PTPN4: variants seen among roughly 807,000 people sequenced by gnomAD.
PTPN4 encodes the protein protein tyrosine phosphatase non-receptor type 4, also known as tyrosine-protein phosphatase non-receptor type 4.
PTPN4 carries 49 observed loss-of-function variants against 135.5 expected under a neutral mutation model. The observed-to-expected ratio is 0.36, with a 90% CI of 0.29 to 0.46. The LOEUF (loss-of-function observed/expected upper bound fraction) is 0.46. Ranked by LOEUF, PTPN4 falls within the 20% of genes least tolerant of loss-of-function variation. The probability of loss-of-function intolerance (pLI) is 1.00; values close to 1 mark genes in which losing one functional copy is unlikely to be tolerated. For synonymous variants in PTPN4, 333 were observed against 369.9 expected, an observed-to-expected ratio of 0.90 and a Z score of 1.14; for missense variants, 860 against 1,101.0, an observed-to-expected ratio of 0.78 and a Z score of 3.10.
chr2:119,906,734 C>CTT lies in PTPN4; in HGVS notation c.764+5931_764+5932dup, dbSNP rs1176693720. 2.6e-5 allele frequency among the ~76,000 whole-genome samples: 4 copies of CTT among 152,210 alleles called. No homozygotes were observed. In the East Asian group the frequency reaches 7.7e-4, roughly 29 times the overall value. On this transcript the variant is annotated intron_variant, in intron 10 of 26. Coordinates refer to ENST00000263708, the MANE Select transcript of PTPN4 (RefSeq NM_002830.4). ...ATACAGAACAGGTCAAAGCTGAAAG[C>CTT]TTTTCTTCTAAGAACTAAAAGAAGA...
intron 3 of PTPN4, 64 bp downstream of exon 3, chr2:119,862,707 C>A: frequency 7.4e-7 from 1 of 1,351,198 alleles, no homozygotes; most frequent in Non-Finnish European, 1.0e-6. Context: ...TGTAGAAAGT[C>A]CTTTCTGATT....
chr2:119,845,122 A>G (rs949795530), intron 2 of PTPN4, among the ~76,000 whole-genome samples: 10 of 148,610 alleles, frequency 6.7e-5, no homozygotes, highest in Admixed American at 1.3e-4. Flanking sequence ...CGAGCCTGCA[A>G]TCACAGGCAC....
intron 1 of PTPN4, among the ~76,000 whole-genome samples, chr2:119,784,016 A>G (rs925319645): frequency 7.2e-6 from 1 of 138,456 alleles, no homozygotes; most frequent in Non-Finnish European, 1.6e-5. Context: ...GGGACTGTTG[A>G]GCAGAGCACT....
intron 23 of PTPN4, among the ~76,000 whole-genome samples, chr2:119,961,256 A>T (rs189996515): frequency 6.6e-6 from 1 of 152,140 alleles, no homozygotes; most frequent in Admixed American, 6.6e-5. Context: ...CAATTTAAAA[A>T]TGGGCAATGG....
intron 2 of PTPN4, among the ~76,000 whole-genome samples, chr2:119,813,782 A>G (rs888444084): frequency 1.3e-5 from 2 of 152,172 alleles, no homozygotes; most frequent in Non-Finnish European, 2.9e-5. Flanking sequence ...CAGTCTGCCA[A>G]TATGGCATCC....
chr2:119,843,431 TC>T, intron 2 of PTPN4, among the ~76,000 whole-genome samples: 1 of 139,546 alleles, frequency 7.2e-6, no homozygotes, highest in African/African-American at 2.7e-5. Context: ...CTCAATCTTT[TC>T]CCCACCTTTC....
intron 26 of PTPN4, 115 bp from the exon 27 acceptor site, chr2:119,976,869 T>C: frequency 8.8e-6 from 13 of 1,479,252 alleles, no homozygotes; most frequent in Non-Finnish European, 1.2e-5. Flanking sequence ...TATGCAGTTT[T>C]GTTTTGCATT....
intron 2 of PTPN4, among the ~76,000 whole-genome samples, chr2:119,841,730 C>G (rs1011896470): frequency 3.4e-4 from 51 of 152,170 alleles, no homozygotes; most frequent in Middle Eastern, 3.2e-3. Context: ...CCTTCCCATG[C>G]TCATTACTCA....
At chr2:119,784,969 A>G (rs894971487) in intron 1 of PTPN4, among the ~76,000 whole-genome samples, 3 of 151,906 alleles carry the variant, frequency 2.0e-5, no homozygotes, top group African/African-American at 7.3e-5. Flanking sequence ...TGAGGAGGAA[A>G]AGAAACACCT....
chr2:119,925,853 G>A (rs140551060), intron 12 of PTPN4, among the ~76,000 whole-genome samples: 16 of 152,090 alleles, frequency 1.1e-4, no homozygotes, highest in Non-Finnish European at 2.2e-4. Flanking sequence ...TTATTCTAAT[G>A]TGGAAATACA....
At chr2:119,775,120 A>T (rs1174664419) in intron 1 of PTPN4, among the ~76,000 whole-genome samples, 1 of 133,896 alleles carries the variant, frequency 7.5e-6, no homozygotes, top group East Asian at 2.1e-4. Context: ...AAAAAAAAAA[A>T]AAAAAGCCAC....
rs191935386 is a variant in PTPN4, at chr2:119,782,062, T to C, written c.-18+21678T>C. Among the ~76,000 whole-genome samples the C allele has an allele frequency of 2.0e-4, 30 of 152,316 alleles. No homozygotes were observed. In the South Asian group the frequency reaches 2.1e-3, roughly 11 times the overall value. On this transcript the variant is annotated intron_variant, in intron 1 of 26. Transcript: ENST00000263708. ...GAATTAGAAGGATATTTAGTGTTCC[T>C]GTAGTCCCACACTGTCCAGTAGGAT...
chr2:119,813,617 T>C (rs1676936012), intron 2 of PTPN4, among the ~76,000 whole-genome samples: 1 of 152,204 alleles, frequency 6.6e-6, no homozygotes, highest in Admixed American at 6.5e-5. Context: ...GCCTTTCCAG[T>C]CTGGCCTGGG....
intron 3 of PTPN4, among the ~76,000 whole-genome samples, chr2:119,867,265 A>G (rs752678934): frequency 8.5e-5 from 13 of 152,184 alleles, no homozygotes; most frequent in Non-Finnish European, 1.8e-4. Context: ...GTTATAGTGT[A>G]GCCAGCAACT....
At chr2:119,966,780 C>T (rs546890385) in intron 25 of PTPN4, among the ~76,000 whole-genome samples, 1 of 152,314 alleles carries the variant, frequency 6.6e-6, no homozygotes, top group South Asian at 2.1e-4. Flanking sequence ...TTTAAGTAAA[C>T]AGCAGGCTAC....
chr2:119,978,296 C>A lies in PTPN4; in HGVS notation c.*1226C>A, dbSNP rs1404300087. 6.6e-6 allele frequency: 1 copy of A among 152,080 alleles called. No homozygotes were observed. The highest frequency in any genetic ancestry group is 2.4e-5 in the African/African-American group (1 of 41,436). 9.4% of individuals were successfully genotyped at this position (152,080 alleles called of 1,614,324 possible). A position where few individuals can be genotyped will look rare whatever the true frequency, so the allele number is the denominator to read the frequency against. On this transcript the variant is annotated 3_prime_UTR_variant, in exon 27 of 27. Coordinates refer to ENST00000263708, the MANE Select transcript of PTPN4 (RefSeq NM_002830.4). The stretch of plus-strand genomic sequence containing the variant: ...TCATGTCCATAACTAAAATATTATT[C>A]TTTAGCACTCATTTCAGTTAATATC...
chr2:119,843,163 G>A (rs1677407175), intron 2 of PTPN4, among the ~76,000 whole-genome samples: 1 of 150,980 alleles, frequency 6.6e-6, no homozygotes, highest in South Asian at 2.1e-4. Context: ...ACTAAATATG[G>A]TGGATTATAT....
intron 1 of PTPN4, among the ~76,000 whole-genome samples, chr2:119,776,895 G>A (rs1189296271): frequency 6.6e-6 from 1 of 152,146 alleles, no homozygotes; most frequent in African/African-American, 2.4e-5. Flanking sequence ...AGAGTTACAT[G>A]GAGAAATTAG....
At chr2:119,795,118 G>T (rs1434203380) in intron 1 of PTPN4, among the ~76,000 whole-genome samples, 2 of 152,190 alleles carry the variant, frequency 1.3e-5, no homozygotes, top group African/African-American at 4.8e-5. Flanking sequence ...TCTGCAGTTG[G>T]TTGTCCCATC....
Sources: gnomAD v4.1 joint callset for allele counts (sites outside exome capture counted in the v4.1 genomes callset) on GRCh38, gnomAD v4.1.1 for gene constraint, MANE v1.5 for transcripts, NCBI Gene and HGNC (gene_info 2026-07-23, HGNC 2026-07-21) for gene names.